The following CTNNA3 variants were observed in gnomAD, a reference collection of about 807,000 sequenced individuals.
The protein encoded by CTNNA3 is catenin alpha 3, also known as catenin alpha-3.
A neutral mutation model predicts 95.7 loss-of-function variants in CTNNA3; 76 were observed. The ratio of observed to expected loss-of-function variants is 0.79; its 90% CI spans 0.66 to 0.96. CTNNA3 has a LOEUF of 0.96. CTNNA3 is among the 40% of genes least tolerant of loss of function. The pLI is 0.00. For missense variants in CTNNA3, 1,191 were observed against 1,089.8 expected, an observed-to-expected ratio of 1.09 and a Z score of -1.31; for synonymous variants, 431 against 374.4, an observed-to-expected ratio of 1.15 and a Z score of -1.74.
intron 9 of CTNNA3, among the ~76,000 whole-genome samples, chr10:66,684,823 G>T (rs1165944611): frequency 6.6e-6 from 1 of 151,904 alleles, no homozygotes; most frequent in Admixed American, 6.6e-5. Context: ...ATAGAATGTT[G>T]GCACCGGAGA....
Position 67,495,290 on chromosome 10 carries a change from C to A in CTNNA3, c.579+26552G>T, listed in dbSNP as rs74142824. On this transcript the variant is annotated intron_variant, in intron 5 of 17. Transcript: ENST00000433211. The stretch of plus-strand genomic sequence containing the variant: ...GACACCCTCTCTCCACTGACTTCTA[C>A]CCACACTCTGGACCTAAGACAAAAT... Among the ~76,000 whole-genome samples, 360 of 152,252 alleles carry A rather than the reference C, an allele frequency of 2.4e-3. 1 individual carries two copies. Among genetic ancestry groups the A allele is most frequent in the African/African-American group, 8.3e-3 (346 of 41,554 alleles).
intron 13 of CTNNA3, among the ~76,000 whole-genome samples, chr10:66,151,904 A>G (rs1444214956): frequency 6.6e-6 from 1 of 152,024 alleles, no homozygotes; most frequent in Non-Finnish European, 1.5e-5. Flanking sequence ...CATCTGGATC[A>G]TATTAATATT....
At chr10:66,807,587 C>A (rs866895678) in intron 7 of CTNNA3, among the ~76,000 whole-genome samples, 19 of 152,210 alleles carry the variant, frequency 1.2e-4, no homozygotes, top group Admixed American at 5.2e-4. Flanking sequence ...TGAACCCACC[C>A]GTTGTGTGGG....
intron 12 of CTNNA3, among the ~76,000 whole-genome samples, chr10:66,342,264 T>C (rs550367608): frequency 4.6e-5 from 7 of 152,114 alleles, no homozygotes; most frequent in African/African-American, 1.7e-4. Context: ...GATCATGTCA[T>C]CATCACTGTT....
chr10:65,958,934 G>A (rs1054243134), intron 17 of CTNNA3, among the ~76,000 whole-genome samples: 1 of 152,208 alleles, frequency 6.6e-6, no homozygotes, highest in Non-Finnish European at 1.5e-5. Context: ...AGACAGGGAC[G>A]TTTAAGTCTG....
At chr10:66,707,276 C>T (rs1243699183) in intron 9 of CTNNA3, among the ~76,000 whole-genome samples, 2 of 152,032 alleles carry the variant, frequency 1.3e-5, no homozygotes, top group Non-Finnish European at 2.9e-5. Context: ...ATTTAGCCTA[C>T]ACCCACTTTG....
intron 7 of CTNNA3, among the ~76,000 whole-genome samples, chr10:66,806,050 G>T (rs1841626344): frequency 6.6e-6 from 1 of 151,938 alleles, no homozygotes; most frequent in Non-Finnish European, 1.5e-5. Flanking sequence ...TGGAAAATTA[G>T]TTGGGAAAAA....
At chr10:66,640,461 G>T (rs182851505) in intron 9 of CTNNA3, among the ~76,000 whole-genome samples, 1 of 152,090 alleles carries the variant, frequency 6.6e-6, no homozygotes, top group East Asian at 1.9e-4. Flanking sequence ...GTCCCTAAGA[G>T]TTCAGGTAAG....
At chr10:66,563,511 T>A (rs1209734469) in intron 10 of CTNNA3, among the ~76,000 whole-genome samples, 2 of 152,102 alleles carry the variant, frequency 1.3e-5, no homozygotes, top group African/African-American at 4.8e-5. Context: ...AATTACATAA[T>A]CTCTTTGCTA....
chr10:66,436,501 C>CTTTTTTT (rs34165061), intron 11 of CTNNA3, among the ~76,000 whole-genome samples: 41 of 60,396 alleles, frequency 6.8e-4, no homozygotes, highest in East Asian at 2.0e-3. Flanking sequence ...ACAATCCCTG[C>CTTTTTTT]TTTTTTTTTT....
intron 11 of CTNNA3, among the ~76,000 whole-genome samples, chr10:66,436,567 T>A (rs1013676511): frequency 1.3e-5 from 2 of 150,416 alleles, no homozygotes; most frequent in African/African-American, 4.9e-5. Context: ...ATCCCACTAT[T>A]TTTAGCCTTT....
chr10:67,256,258 T>C (rs946913146), intron 5 of CTNNA3, among the ~76,000 whole-genome samples: 3 of 152,172 alleles, frequency 2.0e-5, no homozygotes, highest in African/African-American at 7.2e-5. Context: ...GCATTGATTG[T>C]TCACCAAACT....
chr10:65,972,899 A>AG (rs371400892), intron 16 of CTNNA3, among the ~76,000 whole-genome samples: 367 of 21,288 alleles, frequency 0.017, 3 homozygotes, highest in Middle Eastern at 0.048. Flanking sequence ...AGCAATCCTA[A>AG]GGGGGAAAAA....
intron 12 of CTNNA3, among the ~76,000 whole-genome samples, chr10:66,344,175 C>A (rs190031451): frequency 1.4e-5 from 2 of 146,182 alleles, no homozygotes; most frequent in Middle Eastern, 3.3e-3. Flanking sequence ...TGTAGTGAGC[C>A]GAGATCGCAC....
chr10:66,809,184 T>C (rs758629755), intron 7 of CTNNA3, among the ~76,000 whole-genome samples: 34 of 152,304 alleles, frequency 2.2e-4, no homozygotes, highest in Non-Finnish European at 4.7e-4. Flanking sequence ...TTATGTGGTA[T>C]GTGTGATTGT....
In CTNNA3 at chr10:66,267,342, A is replaced by G. The variant is rs74144011; in HGVS notation, c.1884+13128T>C. 8.2e-3 allele frequency among the ~76,000 whole-genome samples: 1,241 copies of G among 152,230 alleles called. 12 individuals are homozygous for G. The highest frequency in any genetic ancestry group is 0.034 in the Middle Eastern group (10 of 294). Reference sequence around the variant, plus strand: ...CGTATCCTTGCAAATGTGCTGAGCCATAATTCCAACTATCCAACTCTTGAC... The same window carrying G: ...CGTATCCTTGCAAATGTGCTGAGCCGTAATTCCAACTATCCAACTCTTGAC... On this transcript the variant is annotated intron_variant, in intron 13 of 17. Coordinates refer to ENST00000433211, the MANE Select transcript of CTNNA3 (RefSeq NM_013266.4).
At chr10:67,021,237 T>C (rs1291613906) in intron 7 of CTNNA3, among the ~76,000 whole-genome samples, 1 of 152,178 alleles carries the variant, frequency 6.6e-6, no homozygotes, top group Non-Finnish European at 1.5e-5. Flanking sequence ...CTCAACTTTG[T>C]CAATTATTAA....
intron 7 of CTNNA3, among the ~76,000 whole-genome samples, chr10:67,058,639 C>A (rs1855578332): frequency 6.6e-6 from 1 of 151,794 alleles, no homozygotes; most frequent in Non-Finnish European, 1.5e-5. Context: ...GCCCAGAGAG[C>A]ACTTTCTACA....
chr10:66,836,890 C>T (rs529456033), intron 7 of CTNNA3, among the ~76,000 whole-genome samples: 1 of 152,158 alleles, frequency 6.6e-6, no homozygotes, highest in East Asian at 1.9e-4. Context: ...CTTACCCCCA[C>T]GTATCATTTT....
Sources: allele counts gnomAD v4.1 joint callset (sites outside exome capture counted in the v4.1 genomes callset), GRCh38; gene constraint gnomAD v4.1.1; transcripts MANE v1.5; gene names NCBI Gene and HGNC (gene_info 2026-07-23, HGNC 2026-07-21).